The following ANKRD17 variants were observed in gnomAD, a reference collection of about 807,000 sequenced individuals.
ANKRD17 encodes the protein ankyrin repeat domain 17.
Under a neutral mutation model 229.7 loss-of-function variants are expected in ANKRD17, and 19 were observed. The ratio of observed to expected loss-of-function variants is 0.08; its 90% CI spans 0.06 to 0.12. ANKRD17 has a LOEUF of 0.12. ANKRD17 is among the 10% of genes least tolerant of loss of function. The probability of loss-of-function intolerance (pLI) is 1.00; values close to 1 mark genes in which losing one functional copy is unlikely to be tolerated. For synonymous variants in ANKRD17, 1,112 were observed against 1,146.1 expected (o/e 0.97, Z 0.60); for missense variants, 2,176 against 3,176.8 (o/e 0.68, Z 7.57).
chr4:73,179,506 A>G (rs1735214898), intron 1 of ANKRD17, among the ~76,000 whole-genome samples: 1 of 79,240 alleles, frequency 1.3e-5, no homozygotes, highest in Non-Finnish European at 2.6e-5. Context: ...ATATATATAT[A>G]TATATATATA....
chr4:73,184,538 A>G (rs1479474811), intron 1 of ANKRD17, among the ~76,000 whole-genome samples: 1 of 149,484 alleles, frequency 6.7e-6, no homozygotes, highest in Admixed American at 6.6e-5. Context: ...CAAAAAAAAA[A>G]AAAAAAAAAA....
intron 1 of ANKRD17, among the ~76,000 whole-genome samples, chr4:73,178,561 A>G (rs954896498): frequency 2.6e-5 from 4 of 152,056 alleles, no homozygotes; most frequent in Non-Finnish European, 2.9e-5. Flanking sequence ...CTTCGGGTCC[A>G]TAAGTTTTAC....
intron 1 of ANKRD17, among the ~76,000 whole-genome samples, chr4:73,204,261 T>TGAGGCGGGAGAATGGCGTGAACCCGA (rs1247467949): frequency 1.4e-5 from 2 of 146,328 alleles, no homozygotes; most frequent in Non-Finnish European, 3.0e-5. Context: ...CTCAAGAGGC[T>TGAGGCGGGAGAATGGCGTGAACCCGA]GAGGCGGGAG....
chr4:73,120,090 T>C, intron 21 of ANKRD17, 72 bp downstream of exon 21: 1 of 1,471,858 alleles, frequency 6.8e-7, no homozygotes, highest in Non-Finnish European at 9.5e-7. Flanking sequence ...TTAAATAGTT[T>C]AATTGCCTAG....
intron 1 of ANKRD17, among the ~76,000 whole-genome samples, chr4:73,185,811 GCAA>G (rs749092755): frequency 2.0e-5 from 3 of 151,980 alleles, no homozygotes; most frequent in South Asian, 4.1e-4. Flanking sequence ...ATAATTGAAG[GCAA>G]CAACAGTCTT....
chr4:73,226,861 C>A (rs1019541466), intron 1 of ANKRD17, among the ~76,000 whole-genome samples: 1 of 151,996 alleles, frequency 6.6e-6, no homozygotes, highest in Non-Finnish European at 1.5e-5. Context: ...ACTACAGGCA[C>A]GTGCCACAAT....
At chr4:73,205,568 C>T (rs1739332870) in intron 1 of ANKRD17, among the ~76,000 whole-genome samples, 2 of 152,124 alleles carry the variant, frequency 1.3e-5, no homozygotes, top group Non-Finnish European at 2.9e-5. Context: ...CATCCTATCT[C>T]ACAACAAATA....
At chr4:73,187,103 G>C (rs1249178040) in intron 1 of ANKRD17, among the ~76,000 whole-genome samples, 1 of 152,142 alleles carries the variant, frequency 6.6e-6, no homozygotes. Flanking sequence ...ACTGACATCA[G>C]ACTTCCTAAA....
At chr4:73,229,438 A>C (rs999419488) in intron 1 of ANKRD17, among the ~76,000 whole-genome samples, 1 of 152,180 alleles carries the variant, frequency 6.6e-6, no homozygotes, top group Non-Finnish European at 1.5e-5. Context: ...AATCAATATT[A>C]GTTTTAAATC....
chr4:73,148,534 A>G (rs928827327), intron 8 of ANKRD17, among the ~76,000 whole-genome samples: 2 of 152,170 alleles, frequency 1.3e-5, no homozygotes, highest in Non-Finnish European at 2.9e-5. Flanking sequence ...GTTGGCTCTT[A>G]TATTCCCCTA....
At chr4:73,146,205 C>T (rs1730264368) in intron 10 of ANKRD17, among the ~76,000 whole-genome samples, 1 of 152,030 alleles carries the variant, frequency 6.6e-6, no homozygotes, top group African/African-American at 2.4e-5. Context: ...TAGCCATCCC[C>T]AAAATAATAC....
At chr4:73,158,780 C>A (rs1438584735) in intron 3 of ANKRD17, among the ~76,000 whole-genome samples, 3 of 152,184 alleles carry the variant, frequency 2.0e-5, no homozygotes, top group Admixed American at 6.5e-5. Flanking sequence ...ACTGGGTAGG[C>A]TTTATAAAAG....
At chr4:73,158,221 T>C (rs948709248) in intron 3 of ANKRD17, among the ~76,000 whole-genome samples, 1 of 101,768 alleles carries the variant, frequency 9.8e-6, no homozygotes, top group Non-Finnish European at 2.2e-5. Context: ...GTAGAACATG[T>C]CATTCCTCTA....
chr4:73,108,022 A>G (rs1198579922), intron 24 of ANKRD17, among the ~76,000 whole-genome samples: 1 of 152,146 alleles, frequency 6.6e-6, no homozygotes, highest in African/African-American at 2.4e-5. Flanking sequence ...ATTTTGAGAG[A>G]AGGTCTCACA....
intron 16 of ANKRD17, among the ~76,000 whole-genome samples, chr4:73,126,402 TCAG>T (rs1027967741): frequency 1.3e-5 from 2 of 151,960 alleles, no homozygotes; most frequent in African/African-American, 4.8e-5. Context: ...AGTAGAATCC[TCAG>T]TAGTAGGGCC....
At chr4:73,076,484 T>TA (rs551160788) in intron 33 of ANKRD17, among the ~76,000 whole-genome samples, 194 bp from the exon 34 acceptor site, 73 of 149,552 alleles carry the variant, frequency 4.9e-4, no homozygotes, top group Middle Eastern at 3.4e-3. Context: ...TTACAACCTT[T>TA]AAAAAAAAAA....
At chr4:73,177,281 C>A in intron 2 of ANKRD17, 99 bp downstream of exon 2, 1 of 1,162,864 alleles carries the variant, frequency 8.6e-7, no homozygotes, top group South Asian at 2.9e-5. Context: ...TAGTATCATT[C>A]TAAATACCCA....
chr4:73,243,261 CAAT>C (rs1744205190), intron 1 of ANKRD17, among the ~76,000 whole-genome samples: 1 of 152,088 alleles, frequency 6.6e-6, no homozygotes, highest in Admixed American at 6.6e-5. Context: ...AATCAAATAA[CAAT>C]GACATTTCAG....
In ANKRD17 at chr4:73,258,655, G is replaced by T. The variant is rs1434035135; in HGVS notation, c.14C>A (p.Thr5Lys). 6.7e-7 allele frequency: 1 copy of T among 1,482,190 alleles called. No homozygotes were observed. The highest frequency in any genetic ancestry group is 1.3e-5 in the South Asian group (1 of 78,240). The allele number at this position is 1,482,190 out of a possible 1,614,324, so 91.8% of individuals were successfully genotyped here. MEKA[T>K]VPVAAATAAE... ...AGCCGTCGCCGCCGCCACCGGAACC[G>T]TCGCCTTCTCCATCCCCAGGGAAAG... Residue 5 changes from threonine to lysine, a missense_variant, in exon 1 of 34, where the codon ACG (threonine) becomes AAG (lysine). Physicochemically the swap from Thr to Lys is moderately conservative, Grantham distance 78. This residue lies in a region of ANKRD17 where 196 missense variants were observed against 190.0 expected (regional missense o/e 1.03). Transcript: ENST00000358602.
Sources: allele counts gnomAD v4.1 joint callset (sites outside exome capture counted in the v4.1 genomes callset), GRCh38; gene constraint gnomAD v4.1.1; regional missense constraint gnomAD v4.1.1; transcripts MANE v1.5; gene names NCBI Gene and HGNC (gene_info 2026-07-23, HGNC 2026-07-21).